The following PTPRQ variants were observed in gnomAD, a reference collection of about 807,000 sequenced individuals.
PTPRQ encodes the protein protein tyrosine phosphatase receptor type Q, also known as phosphatidylinositol phosphatase PTPRQ.
PTPRQ carries 199 observed loss-of-function variants against 246.0 expected under a neutral mutation model. The observed-to-expected ratio is 0.81, with a 90% confidence interval of 0.72 to 0.91. The LOEUF (loss-of-function observed/expected upper bound fraction) is 0.91, where lower values mean the gene tolerates loss of function less well. Among genes scored for constraint, PTPRQ ranks in the 40% least tolerant of loss-of-function variants. The probability of loss-of-function intolerance (pLI) is 0.00; values close to 1 mark genes in which losing one functional copy is unlikely to be tolerated. For missense variants in PTPRQ, 2,624 were observed against 2,528.4 expected, an observed-to-expected ratio of 1.04 and a Z score of -0.81; for synonymous variants, 869 against 853.2, an observed-to-expected ratio of 1.02 and a Z score of -0.32.
intron 35 of PTPRQ, among the ~76,000 whole-genome samples, chr12:80,636,825 C>A (rs1899671604): frequency 6.6e-6 from 1 of 152,130 alleles, no homozygotes. Flanking sequence ...TGTTTTTAAA[C>A]AGTCAATATT....
intron 3 of PTPRQ, 51 bp downstream of exon 3, chr12:80,445,768 A>C: frequency 7.8e-7 from 1 of 1,283,768 alleles, no homozygotes; most frequent in South Asian, 1.3e-5. Flanking sequence ...CATTCATTTT[A>C]AAAGTGTGGG....
intron 14 of PTPRQ, among the ~76,000 whole-genome samples, chr12:80,502,933 A>T (rs890294897): frequency 6.6e-6 from 1 of 151,780 alleles, no homozygotes; most frequent in Non-Finnish European, 1.5e-5. Flanking sequence ...CTCTCTGAGT[A>T]GTAGGGAAGA....
At position 80,539,948 on chromosome 12, in the gene PTPRQ, T is replaced by G. The variant is rs1389975261; in HGVS notation, c.3154+4T>G. 1 of 1,477,122 alleles carries G rather than the reference T, an allele frequency of 6.8e-7. No homozygotes were observed. The allele number at this position is 1,477,122 out of a possible 1,614,324, so 91.5% of individuals were successfully genotyped here. On this transcript the variant is annotated splice_donor_region_variant and intron_variant, in intron 20 of 44. Transcript: ENST00000644991. ...GAAGTATACACAGATCAAGACAGTA[T>G]GTAAACAAAAAACACTAATCTTTAA...
In PTPRQ at chr12:80,460,870, T is replaced by G; in HGVS notation, c.878T>G (p.Ile293Ser). The change falls in exon 6 of 45, where the codon ATT (isoleucine) becomes AGT (serine). Residue 293 changes from isoleucine to serine, a missense_variant. Physicochemically the swap from Ile to Ser is moderately radical, Grantham distance 142 (BLOSUM62 -2). Transcript: ENST00000644991. ...GCTGCTACAACTGAAGCAGGTTATATTGATAGTACGATTGTCAGAACACCA... is the reference window on the plus strand; with the variant it reads ...GCTGCTACAACTGAAGCAGGTTATAGTGATAGTACGATTGTCAGAACACCA... ...VSAATTEAGY[I>S]DSTIVRTPES... is the part of the protein sequence containing the mutation. The G allele has an allele frequency of 2.5e-6, 1 of 400,758 alleles. No homozygotes were observed. The allele number at this position is 400,758 out of a possible 1,614,324, so 24.8% of individuals were successfully genotyped here.
chr12:80,594,450 CT>C (rs1897902124), intron 26 of PTPRQ, among the ~76,000 whole-genome samples: 1 of 152,070 alleles, frequency 6.6e-6, no homozygotes, highest in Admixed American at 6.6e-5. Context: ...TAGTTAGATG[CT>C]GTTGAAAATC....
intron 25 of PTPRQ, among the ~76,000 whole-genome samples, chr12:80,556,628 A>C (rs892018613): frequency 2.0e-5 from 3 of 152,214 alleles, no homozygotes; most frequent in African/African-American, 4.8e-5. Flanking sequence ...GCAATTGTAC[A>C]TATCAAAGAA....
Position 80,632,191 on chromosome 12 carries a change from G to T in PTPRQ, c.5687-1G>T. 1 of 1,550,760 alleles carries T rather than the reference G, an allele frequency of 6.4e-7. No homozygotes were observed. The highest frequency in any genetic ancestry group is 8.7e-7 in the Non-Finnish European group (1 of 1,146,632). On this transcript the variant is annotated splice_acceptor_variant, in intron 33 of 44. Transcript: ENST00000644991. LOFTEE classifies it high-confidence loss of function. ...ATGATCCTGTTATCCCTCTTCTCCA[G>T]GGGAAGGACTTTCAGAAAGAACCGT...
intron 26 of PTPRQ, among the ~76,000 whole-genome samples, chr12:80,604,214 A>G (rs570825681): frequency 6.6e-6 from 1 of 151,680 alleles, no homozygotes; most frequent in South Asian, 2.1e-4. Flanking sequence ...AATATTTAAT[A>G]TCATTAGAAT....
At position 80,619,109 on chromosome 12, in the gene PTPRQ, G is replaced by A. The variant is rs3957810; in HGVS notation, c.5231-275G>A. Among the ~76,000 whole-genome samples, 52,270 of 151,170 alleles carry A rather than the reference G, an allele frequency of 0.35. 9,581 individuals are homozygous for A. Among genetic ancestry groups the A allele is most frequent in the African/African-American group, 0.46 (19,197 of 41,326 alleles). On this transcript the variant is annotated intron_variant, in intron 30 of 44. Transcript: ENST00000644991. ...AAAAAATATATATGAGTGAGAGCAT[G>A]TATAAATTGAATTTTTAATATGCAA...
Position 80,468,762 on chromosome 12 carries a change from C to T in PTPRQ, c.963C>T (p.Ser321=), listed in dbSNP as rs1332446797. 3.9e-6 allele frequency: 6 copies of T among 1,549,900 alleles called. No homozygotes were observed. The highest frequency in any genetic ancestry group is 4.9e-5 in the East Asian group (2 of 40,786). Reference sequence around the variant, plus strand: ...TAACAGGCAACATCACAGGAAAGTCCTTTTCAATTTTATGGGACCCACCAA... The same window carrying T: ...TAACAGGCAACATCACAGGAAAGTCTTTTTCAATTTTATGGGACCCACCAA... The part of the protein sequence containing the change: ...NCVTGNITGK[S]FSILWDPPTI... Residue 321 remains serine, a synonymous_variant, in exon 7 of 45, where the codon TCC becomes TCT. Coordinates refer to ENST00000644991, the MANE Select transcript of PTPRQ (RefSeq NM_001145026.2).
chr12:80,453,036 C>A (rs1892826652), intron 3 of PTPRQ, among the ~76,000 whole-genome samples: 1 of 152,150 alleles, frequency 6.6e-6, no homozygotes, highest in Non-Finnish European at 1.5e-5. Context: ...TTCACATAGT[C>A]CCGTATTTCT....
intron 3 of PTPRQ, among the ~76,000 whole-genome samples, chr12:80,451,172 G>A (rs11525614): frequency 0.46 from 69,401 of 151,518 alleles, 18,828 homozygotes; most frequent in South Asian, 0.63. Flanking sequence ...GCATAGAGGT[G>A]TTTGTAGTAT....
chr12:80,604,654 T>C (rs2121078197), intron 26 of PTPRQ, among the ~76,000 whole-genome samples: 1 of 151,714 alleles, frequency 6.6e-6, no homozygotes, highest in African/African-American at 2.4e-5. Context: ...AATTTTCAGC[T>C]GTGCTTCTCT....
At chr12:80,477,984 G>A (rs1893879965) in intron 8 of PTPRQ, among the ~76,000 whole-genome samples, 1 of 152,260 alleles carries the variant, frequency 6.6e-6, no homozygotes, top group African/African-American at 2.4e-5. Context: ...GGCTTGCTTA[G>A]GTAAACAAAG....
chr12:80,566,941 T>C (rs1458358838), intron 25 of PTPRQ, among the ~76,000 whole-genome samples: 2 of 152,180 alleles, frequency 1.3e-5, no homozygotes, highest in Non-Finnish European at 2.9e-5. Context: ...TTTTTAAACT[T>C]TGGACTTGAA....
chr12:80,470,736 A>G (rs1349674459), intron 7 of PTPRQ, among the ~76,000 whole-genome samples: 2 of 152,218 alleles, frequency 1.3e-5, no homozygotes, highest in Non-Finnish European at 2.9e-5. Context: ...CAAATAAAAT[A>G]AAACAAAAAT....
intron 35 of PTPRQ, among the ~76,000 whole-genome samples, chr12:80,645,962 G>A (rs1752190629): frequency 1.3e-5 from 2 of 152,040 alleles, no homozygotes; most frequent in African/African-American, 4.8e-5. Flanking sequence ...ATTTGTTTGG[G>A]ATCTCGAATT....
At chr12:80,619,356 T>A in intron 30 of PTPRQ, 28 bp from the exon 31 acceptor site, 1 of 1,542,654 alleles carries the variant, frequency 6.5e-7, no homozygotes, top group African/African-American at 1.4e-5. Context: ...TAACATCAAT[T>A]GCAGTGATAT....
intron 8 of PTPRQ, among the ~76,000 whole-genome samples, chr12:80,482,579 C>T (rs1387681093): frequency 0.061 from 8,991 of 148,366 alleles, 826 homozygotes; most frequent in African/African-American, 0.19. Context: ...ACCATCAGAG[C>T]GAACAGGCAA....
Sources: allele counts gnomAD v4.1 joint callset (sites outside exome capture counted in the v4.1 genomes callset), GRCh38; gene constraint gnomAD v4.1.1; transcripts MANE v1.5; gene names NCBI Gene and HGNC (gene_info 2026-07-23, HGNC 2026-07-21).